MYO5B: variants seen among roughly 807,000 people sequenced by gnomAD.
MYO5B encodes the protein myosin VB, also known as unconventional myosin-Vb.
A neutral mutation model predicts 229.3 loss-of-function variants in MYO5B; 143 were observed. That is an observed-to-expected ratio of 0.62 (90% CI 0.54 to 0.72). The LOEUF (loss-of-function observed/expected upper bound fraction) is 0.72. Ranked by LOEUF, MYO5B falls within the 30% of genes least tolerant of loss-of-function variation. MYO5B has a pLI of 0.00. For synonymous variants in MYO5B, 918 were observed against 885.2 expected, an observed-to-expected ratio of 1.04 and a Z score of -0.66; for missense variants, 2,321 against 2,331.0, an observed-to-expected ratio of 1.00 and a Z score of 0.09.
chr18:49,918,901 A>G (rs965857237), intron 17 of MYO5B, among the ~76,000 whole-genome samples: 2 of 152,244 alleles, frequency 1.3e-5, no homozygotes, highest in Non-Finnish European at 2.9e-5. Flanking sequence ...AAGGGACATA[A>G]GAGGCCAGAA....
chr18:50,014,040 T>C (rs2026190255), intron 4 of MYO5B, among the ~76,000 whole-genome samples: 1 of 152,172 alleles, frequency 6.6e-6, no homozygotes, highest in African/African-American at 2.4e-5. Flanking sequence ...ACCCCCTCAA[T>C]TGTGGTCAAT....
intron 24 of MYO5B, 61 bp from the exon 25 acceptor site, chr18:49,877,943 C>G: frequency 6.2e-7 from 1 of 1,603,240 alleles, no homozygotes; most frequent in Non-Finnish European, 8.5e-7. Flanking sequence ...AATTTACCTC[C>G]CATGGTGGCA....
chr18:50,043,376 T>TTA (rs1294971525), intron 2 of MYO5B, among the ~76,000 whole-genome samples: 3 of 97,078 alleles, frequency 3.1e-5, no homozygotes, highest in African/African-American at 1.2e-4. Flanking sequence ...ATATAATATA[T>TTA]AATATATTAA....
intron 1 of MYO5B, among the ~76,000 whole-genome samples, chr18:50,175,485 G>A (rs140862209): frequency 6.6e-6 from 1 of 152,352 alleles, no homozygotes; most frequent in Non-Finnish European, 1.5e-5. Flanking sequence ...TTAAGATCAA[G>A]TGAGTTGGAA....
At chr18:50,185,282 A>G (rs571014354) in intron 1 of MYO5B, among the ~76,000 whole-genome samples, 1 of 151,620 alleles carries the variant, frequency 6.6e-6, no homozygotes, top group Non-Finnish European at 1.5e-5. Context: ...TAGTATGAAT[A>G]AGAATTTAAA....
intron 26 of MYO5B, among the ~76,000 whole-genome samples, chr18:49,872,952 G>T (rs1317467439): frequency 6.6e-6 from 1 of 152,176 alleles, no homozygotes; most frequent in East Asian, 1.9e-4. Context: ...TAGTAACAAG[G>T]CTAACAAGTT....
At chr18:50,010,328 G>A (rs371820829) in intron 4 of MYO5B, among the ~76,000 whole-genome samples, 65 of 152,282 alleles carry the variant, frequency 4.3e-4, no homozygotes, top group African/African-American at 1.5e-3. Flanking sequence ...TCCCAAGCAG[G>A]GCTGTCTCCA....
At chr18:49,931,955 G>T (rs1240090181) in intron 16 of MYO5B, among the ~76,000 whole-genome samples, 1 of 152,188 alleles carries the variant, frequency 6.6e-6, no homozygotes, top group East Asian at 1.9e-4. Flanking sequence ...CATGACCACA[G>T]GGTCAAGTTC....
chr18:49,882,874 C>T (rs1253329307), intron 22 of MYO5B, among the ~76,000 whole-genome samples: 1 of 152,116 alleles, frequency 6.6e-6, no homozygotes, highest in Non-Finnish European at 1.5e-5. Flanking sequence ...AGGAACACTT[C>T]CCAATTCCAT....
Position 49,927,228 on chromosome 18 carries a change from A to G in MYO5B, c.2090+2284T>C, listed in dbSNP as rs568155400. Among the ~76,000 whole-genome samples, 5 of 152,320 alleles carry G rather than the reference A, an allele frequency of 3.3e-5. No homozygotes were observed. The South Asian group carries it at 1.0e-3, about 32-fold the overall frequency. On this transcript the variant is annotated intron_variant, in intron 17 of 39. Transcript: ENST00000285039. ...TGCTGAAAGAAATCATAGATGACAC[A>G]AACAAATGGAAACACATCCCATGCT... is the stretch of plus-strand genomic sequence containing the variant.
At chr18:49,953,109 T>C in intron 14 of MYO5B, 151 bp downstream of exon 14, 1 of 721,658 alleles carries the variant, frequency 1.4e-6, no homozygotes, top group South Asian at 1.5e-5. Context: ...GCCATTCAAC[T>C]GTTTTCATAC....
intron 1 of MYO5B, among the ~76,000 whole-genome samples, chr18:50,082,662 C>T (rs16951482): frequency 0.11 from 16,222 of 152,208 alleles, 1,695 homozygotes; most frequent in African/African-American, 0.27. Context: ...ATGGATATCC[C>T]TTCCAACTTC....
At chr18:49,880,859 A>T (rs547446107) in intron 22 of MYO5B, among the ~76,000 whole-genome samples, 1 of 152,294 alleles carries the variant, frequency 6.6e-6, no homozygotes, top group Admixed American at 6.5e-5. Context: ...GCAAACTCAC[A>T]TCTGCACCTG....
At chr18:49,965,281 C>CA (rs1419746030) in intron 10 of MYO5B, among the ~76,000 whole-genome samples, 2 of 152,164 alleles carry the variant, frequency 1.3e-5, no homozygotes, top group Non-Finnish European at 2.9e-5. Context: ...ACCATGCCGG[C>CA]AACATTATAC....
intron 19 of MYO5B, among the ~76,000 whole-genome samples, chr18:49,905,327 T>C (rs1399996055): frequency 6.6e-6 from 1 of 152,146 alleles, no homozygotes; most frequent in Non-Finnish European, 1.5e-5. Flanking sequence ...CTGTTTCCTT[T>C]ATCTCCTCAA....
At chr18:50,096,657 C>T (rs1399508654) in intron 1 of MYO5B, among the ~76,000 whole-genome samples, 1 of 152,206 alleles carries the variant, frequency 6.6e-6, no homozygotes, top group Non-Finnish European at 1.5e-5. Context: ...ACCCACTTGC[C>T]CCAGCACCAG....
intron 5 of MYO5B, among the ~76,000 whole-genome samples, chr18:49,992,872 T>C (rs1334367792): frequency 6.6e-6 from 1 of 152,174 alleles, no homozygotes; most frequent in Admixed American, 6.5e-5. Flanking sequence ...CTCTGAACTT[T>C]CTGGAAAAAA....
At chr18:49,921,844 ATT>A (rs2025079583) in intron 17 of MYO5B, among the ~76,000 whole-genome samples, 1 of 152,094 alleles carries the variant, frequency 6.6e-6, no homozygotes, top group South Asian at 2.1e-4. Flanking sequence ...GGGATGACGC[ATT>A]TTCTTTTCCT....
chr18:49,915,810 C>G (rs926376160), intron 17 of MYO5B, among the ~76,000 whole-genome samples: 1 of 152,236 alleles, frequency 6.6e-6, no homozygotes, highest in Non-Finnish European at 1.5e-5. Flanking sequence ...AACTGCCCAT[C>G]AGATGTGTGT....
Sources: gnomAD v4.1 joint callset for allele counts (sites outside exome capture counted in the v4.1 genomes callset) on GRCh38, gnomAD v4.1.1 for gene constraint, MANE v1.5 for transcripts, NCBI Gene and HGNC (gene_info 2026-07-23, HGNC 2026-07-21) for gene names.